SMYD3: variants seen among roughly 807,000 people sequenced by gnomAD.
The protein encoded by SMYD3 is SET and MYND domain containing 3.
SMYD3 carries 36 observed loss-of-function variants against 57.7 expected under a neutral mutation model. The observed-to-expected ratio is 0.62, with a 90% CI of 0.48 to 0.82. The LOEUF is 0.82. SMYD3 is among the 40% of genes least tolerant of loss of function. The probability of loss-of-function intolerance (pLI) is 0.00; values close to 1 mark genes in which losing one functional copy is unlikely to be tolerated. For missense variants in SMYD3, 515 were observed against 538.8 expected, an observed-to-expected ratio of 0.96 and a Z score of 0.44; for synonymous variants, 211 against 195.0, an observed-to-expected ratio of 1.08 and a Z score of -0.68.
chr1:246,227,758 G>C (rs2063350438), intron 5 of SMYD3, among the ~76,000 whole-genome samples: 1 of 152,036 alleles, frequency 6.6e-6, no homozygotes, highest in Non-Finnish European at 1.5e-5. Context: ...AACTTGAAGA[G>C]ATCACTTAAC....
chr1:246,496,001 T>C (rs2068354316), intron 1 of SMYD3, among the ~76,000 whole-genome samples: 1 of 151,740 alleles, frequency 6.6e-6, no homozygotes, highest in Non-Finnish European at 1.5e-5. Context: ...CCTTTTTATG[T>C]TGAAATATTT....
chr1:245,850,727 A>G (rs2050925965), intron 10 of SMYD3, among the ~76,000 whole-genome samples: 1 of 152,148 alleles, frequency 6.6e-6, no homozygotes, highest in African/African-American at 2.4e-5. Flanking sequence ...AAACAAAATG[A>G]GGCTACCCTA....
At chr1:245,815,337 G>A (rs961075458) in intron 10 of SMYD3, among the ~76,000 whole-genome samples, 1 of 152,246 alleles carries the variant, frequency 6.6e-6, no homozygotes, top group Non-Finnish European at 1.5e-5. Context: ...ATTCAGGGGT[G>A]CACACAGACA....
intron 7 of SMYD3, among the ~76,000 whole-genome samples, chr1:245,918,518 A>G (rs1024133752): frequency 6.6e-6 from 1 of 152,186 alleles, no homozygotes; most frequent in South Asian, 2.1e-4. Context: ...GATTTCCTCC[A>G]TGTTTCTCTT....
chr1:245,942,638 T>C (rs1223974486), intron 5 of SMYD3, among the ~76,000 whole-genome samples: 1 of 152,206 alleles, frequency 6.6e-6, no homozygotes, highest in Non-Finnish European at 1.5e-5. Flanking sequence ...GACATACCTA[T>C]AAAAATCTCT....
intron 10 of SMYD3, among the ~76,000 whole-genome samples, chr1:245,811,084 G>GT (rs1232933676): frequency 2.6e-5 from 4 of 152,196 alleles, no homozygotes; most frequent in Admixed American, 1.3e-4. Flanking sequence ...CCTGGAATTT[G>GT]TAAGTGTGAA....
At chr1:246,309,780 C>T (rs1392942555) in intron 5 of SMYD3, among the ~76,000 whole-genome samples, 12 of 152,162 alleles carry the variant, frequency 7.9e-5, no homozygotes, top group Non-Finnish European at 1.6e-4. Context: ...TTTAGAAAGG[C>T]AGATCCCACC....
intron 5 of SMYD3, among the ~76,000 whole-genome samples, chr1:246,060,297 A>G (rs1182974358): frequency 2.0e-5 from 3 of 151,232 alleles, no homozygotes; most frequent in Non-Finnish European, 4.4e-5. Context: ...AAAAATAAAA[A>G]TAAAGGTTGC....
At chr1:246,399,573 G>C (rs2066734390) in intron 1 of SMYD3, among the ~76,000 whole-genome samples, 1 of 152,000 alleles carries the variant, frequency 6.6e-6, no homozygotes, top group Non-Finnish European at 1.5e-5. Flanking sequence ...CGAACTCCTG[G>C]GCTCAACTGA....
intron 5 of SMYD3, among the ~76,000 whole-genome samples, chr1:246,174,165 A>G (rs2062393457): frequency 6.6e-6 from 1 of 152,122 alleles, no homozygotes; most frequent in Non-Finnish European, 1.5e-5. Context: ...AAAGTATAAT[A>G]TAGTAAATAT....
chr1:246,310,067 C>T (rs2065049833), intron 5 of SMYD3, among the ~76,000 whole-genome samples: 2 of 152,076 alleles, frequency 1.3e-5, no homozygotes, highest in Admixed American at 6.5e-5. Context: ...TATTTATAAA[C>T]ATTATAAGCA....
chr1:246,065,030 C>G (rs10924481), intron 5 of SMYD3, among the ~76,000 whole-genome samples: 5 of 152,098 alleles, frequency 3.3e-5, no homozygotes, highest in African/African-American at 1.2e-4. Flanking sequence ...TGGTTTTTTC[C>G]AAAGCTGAAA....
intron 7 of SMYD3, among the ~76,000 whole-genome samples, chr1:245,926,979 C>T (rs541411962): frequency 1.3e-5 from 2 of 152,338 alleles, no homozygotes; most frequent in South Asian, 4.1e-4. Flanking sequence ...GTGGCTCCTT[C>T]CACTGAAAAT....
intron 1 of SMYD3, among the ~76,000 whole-genome samples, chr1:246,433,783 T>C (rs745703021): frequency 1.3e-5 from 2 of 152,156 alleles, no homozygotes; most frequent in African/African-American, 4.8e-5. Flanking sequence ...TTCTAAAATA[T>C]AGAACTCAAA....
At chr1:245,852,893 G>A (rs981372198) in intron 10 of SMYD3, among the ~76,000 whole-genome samples, 2 of 152,148 alleles carry the variant, frequency 1.3e-5, no homozygotes, top group African/African-American at 4.8e-5. Flanking sequence ...ACAGAAAGAG[G>A]CCCTGATTAG....
chr1:246,088,686 G>A (rs193102860), intron 5 of SMYD3, among the ~76,000 whole-genome samples: 114 of 152,220 alleles, frequency 7.5e-4, no homozygotes, highest in African/African-American at 2.5e-3. Flanking sequence ...TATCCTAGAG[G>A]TAAGTCTGAG....
At chr1:246,087,526 A>G (rs1486435381) in intron 5 of SMYD3, among the ~76,000 whole-genome samples, 2 of 152,202 alleles carry the variant, frequency 1.3e-5, no homozygotes, top group Admixed American at 6.5e-5. Context: ...AAAATCTCAG[A>G]GGCTCACACA....
At chr1:245,834,935 C>T (rs568415871) in intron 10 of SMYD3, among the ~76,000 whole-genome samples, 20 of 152,192 alleles carry the variant, frequency 1.3e-4, no homozygotes, top group Admixed American at 7.9e-4. Flanking sequence ...GACATTCCCA[C>T]GTTATAGGAA....
chr1:246,313,456 G>A (rs964070376), intron 5 of SMYD3, among the ~76,000 whole-genome samples: 4 of 152,132 alleles, frequency 2.6e-5, no homozygotes, highest in South Asian at 4.1e-4. Context: ...GCCACCCATC[G>A]GGGAAGGAAA....
Sources: gnomAD v4.1 joint callset for allele counts (sites outside exome capture counted in the v4.1 genomes callset) on GRCh38, gnomAD v4.1.1 for gene constraint, MANE v1.5 for transcripts, NCBI Gene and HGNC (gene_info 2026-07-23, HGNC 2026-07-21) for gene names.